Variants in PCDHA10 observed in about 807,000 individuals in gnomAD.
The protein encoded by PCDHA10 is protocadherin alpha 10, also known as protocadherin alpha-10.
A neutral mutation model predicts 61.2 loss-of-function variants in PCDHA10; 45 were observed. The observed-to-expected ratio is 0.74, with a 90% confidence interval of 0.58 to 0.94. PCDHA10 has a LOEUF of 0.94. Ranked by LOEUF, PCDHA10 falls within the 40% of genes least tolerant of loss-of-function variation. The probability of loss-of-function intolerance (pLI) is 0.00; values close to 1 mark genes in which losing one functional copy is unlikely to be tolerated. For missense variants in PCDHA10, 1,278 were observed against 1,236.2 expected, an observed-to-expected ratio of 1.03 and a Z score of -0.51; for synonymous variants, 602 against 548.8, an observed-to-expected ratio of 1.10 and a Z score of -1.35.
chr5:140,907,789 G>A (rs187759241), intron 1 of PCDHA10, among the ~76,000 whole-genome samples: 1 of 152,330 alleles, frequency 6.6e-6, no homozygotes, highest in Non-Finnish European at 1.5e-5. Flanking sequence ...GCTGGGGAAA[G>A]AGGCTAAGTG....
chr5:140,967,204 G>C, intron 1 of PCDHA10: 10 of 1,613,634 alleles, frequency 6.2e-6, no homozygotes, highest in Non-Finnish European at 8.5e-6. Context: ...ACAACTCACC[G>C]CGTTTCCCGC....
intron 1 of PCDHA10, chr5:140,927,565 G>A: frequency 6.2e-7 from 1 of 1,614,186 alleles, no homozygotes; most frequent in Non-Finnish European, 8.5e-7. Context: ...CATTGTGGTG[G>A]ACACAAATGA....
chr5:140,921,367 T>A (rs1165325497), intron 1 of PCDHA10, among the ~76,000 whole-genome samples: 1 of 152,182 alleles, frequency 6.6e-6, no homozygotes, highest in Non-Finnish European at 1.5e-5. Context: ...TCAAGTTTCA[T>A]ATTTCTACAT....
At chr5:140,867,314 G>A (rs2049881742) in intron 1 of PCDHA10, 1 of 151,958 alleles carries the variant, frequency 6.6e-6, no homozygotes, top group Admixed American at 6.6e-5. Flanking sequence ...ACTGTCATCT[G>A]GTCTAATGTT....
chr5:140,886,076 A>C (rs1554182342), intron 1 of PCDHA10, among the ~76,000 whole-genome samples: 3 of 152,198 alleles, frequency 2.0e-5, no homozygotes, highest in African/African-American at 7.2e-5. Flanking sequence ...GGGCCATACC[A>C]CAACCTGGAT....
At chr5:140,868,909 T>C (rs2050732260) in intron 1 of PCDHA10, 3 of 886,670 alleles carry the variant, frequency 3.4e-6, no homozygotes, top group Non-Finnish European at 5.0e-6. Context: ...CGCTCTTTAC[T>C]TGGTGGAAAG....
At chr5:140,876,705 C>A (rs369536692) in intron 1 of PCDHA10, 2 of 1,614,122 alleles carry the variant, frequency 1.2e-6, no homozygotes, top group Non-Finnish European at 1.7e-6. Context: ...TGCTGGACAG[C>A]GCCCTGGACC....
chr5:140,875,410 ATACC>A (rs1259407256), intron 1 of PCDHA10: 2 of 1,502,000 alleles, frequency 1.3e-6, no homozygotes, highest in Non-Finnish European at 1.8e-6. Context: ...TGCTCATAAA[ATACC>A]TCAGGCAAGC....
At chr5:140,972,316 G>T (rs2096531069) in intron 1 of PCDHA10, among the ~76,000 whole-genome samples, 2 of 139,864 alleles carry the variant, frequency 1.4e-5, no homozygotes, top group South Asian at 2.3e-4. Flanking sequence ...GTTTTTAGGT[G>T]TTTTTTTTTT....
At chr5:140,876,714 CCGCGAGAG>C in intron 1 of PCDHA10, 1 of 1,614,230 alleles carries the variant, frequency 6.2e-7, no homozygotes, top group East Asian at 2.2e-5. Context: ...GCGCCCTGGA[CCGCGAGAG>C]CGTGTCGGCC....
At chr5:140,951,326 T>C (rs2094571744) in intron 1 of PCDHA10, among the ~76,000 whole-genome samples, 1 of 152,158 alleles carries the variant, frequency 6.6e-6, no homozygotes, top group Admixed American at 6.5e-5. Context: ...TTGAGATTCA[T>C]CATTCTGTTT....
chr5:140,900,618 C>A (rs1382793608), intron 1 of PCDHA10, among the ~76,000 whole-genome samples: 1 of 152,180 alleles, frequency 6.6e-6, no homozygotes, highest in Non-Finnish European at 1.5e-5. Context: ...ATGTAGATTG[C>A]TTCCAAATCT....
chr5:140,891,009 A>AT (rs35053611), intron 1 of PCDHA10, among the ~76,000 whole-genome samples: 3 of 152,052 alleles, frequency 2.0e-5, no homozygotes, highest in East Asian at 3.9e-4. Context: ...ATTGAAAAGC[A>AT]TTTTTTCTGA....
At position 140,969,430 on chromosome 5, in the gene PCDHA10, A is replaced by T. The variant is rs1554231789; in HGVS notation, c.2389-9519A>T. 4 of 1,554,706 alleles carry T rather than the reference A, an allele frequency of 2.6e-6. No homozygotes were observed. The Admixed American group carries it at 7.8e-5, about 30-fold the overall frequency. ...CTTTATTGAGTCATTAACAGTGACA[A>T]GAGTTATCTGGTAAACTGAGTATAT... On this transcript the variant is annotated intron_variant, in intron 1 of 3. Transcript: ENST00000307360.
chr5:140,882,002 G>A (rs2153382146), intron 1 of PCDHA10: 1 of 489,088 alleles, frequency 2.0e-6, no homozygotes, highest in South Asian at 5.2e-5. Context: ...AAATGCAAGG[G>A]GCAAAAAAAT....
rs1252148937 is a variant in PCDHA10 at position 141,009,582 on chromosome 5, G to T, written c.2537-45G>T. On this transcript the variant is annotated intron_variant, in intron 3 of 3. Coordinates refer to ENST00000307360, the MANE Select transcript of PCDHA10 (RefSeq NM_018901.4). ...CTCTACCAGCAGTGTGGCATCAAGA[G>T]CATGTGTTGACCCTGTTAATGATTT... 16 of 1,590,108 alleles carry T rather than the reference G, an allele frequency of 1.0e-5. No homozygotes were observed. In the African/African-American group the frequency reaches 2.0e-4, roughly 20 times the overall value.
intron 3 of PCDHA10, among the ~76,000 whole-genome samples, chr5:140,986,050 T>G (rs1221001446): frequency 6.6e-6 from 1 of 152,226 alleles, no homozygotes; most frequent in Non-Finnish European, 1.5e-5. Flanking sequence ...CACTGATGAA[T>G]TCTTTTGCTT....
chr5:140,877,547 C>T lies in PCDHA10; in HGVS notation c.2388+19111C>T, dbSNP rs782342116. ...GTGGGCGCTGTGGATCCCGAAGCGG[C>T]TCTGGTGGATATTAACGTGTACCTC... On this transcript the variant is annotated intron_variant, in intron 1 of 3. Transcript: ENST00000307360. The T allele has an allele frequency of 2.5e-6, 4 of 1,613,656 alleles. No individual in the cohort carries two copies. The highest frequency in any genetic ancestry group is 1.3e-5 in the African/African-American group (1 of 74,930).
intron 1 of PCDHA10, among the ~76,000 whole-genome samples, chr5:140,905,257 C>T (rs920530176): frequency 6.6e-6 from 1 of 152,168 alleles, no homozygotes; most frequent in African/African-American, 2.4e-5. Context: ...CCACATGAGG[C>T]TTGGCAGTTA....
Sources: allele counts gnomAD v4.1 joint callset (sites outside exome capture counted in the v4.1 genomes callset), GRCh38; gene constraint gnomAD v4.1.1; transcripts MANE v1.5; gene names NCBI Gene and HGNC (gene_info 2026-07-23, HGNC 2026-07-21).